Variants in RGL1 observed in about 807,000 individuals in gnomAD.
The protein encoded by RGL1 is ral guanine nucleotide dissociation stimulator-like 1.
RGL1 carries 24 observed loss-of-function variants against 95.2 expected under a neutral mutation model. The observed-to-expected ratio is 0.25, with a 90% CI of 0.18 to 0.35. The LOEUF (loss-of-function observed/expected upper bound fraction) is 0.35. Ranked by LOEUF, RGL1 falls within the 10% of genes least tolerant of loss-of-function variation. The pLI, the probability that RGL1 is intolerant of heterozygous loss-of-function variation, is 1.00. For missense variants in RGL1, 715 were observed against 936.3 expected (o/e 0.76, Z 3.08); for synonymous variants, 329 against 344.9 (o/e 0.95, Z 0.51).
intron 2 of RGL1, among the ~76,000 whole-genome samples, chr1:183,772,149 C>T (rs1659314041): frequency 6.6e-6 from 1 of 152,224 alleles, no homozygotes; most frequent in Admixed American, 6.5e-5. Context: ...TCCAAGCCCA[C>T]GATTCTTCCA....
At chr1:183,647,894 C>A (rs1018012811) in intron 1 of RGL1, 3 of 1,613,998 alleles carry the variant, frequency 1.9e-6, no homozygotes, top group Admixed American at 3.3e-5. Flanking sequence ...CCCTGAGAGG[C>A]ACTAGCACAA....
intron 2 of RGL1, among the ~76,000 whole-genome samples, chr1:183,761,527 A>G (rs1232754512): frequency 1.3e-5 from 2 of 152,240 alleles, no homozygotes; most frequent in African/African-American, 4.8e-5. Context: ...GCTATCATCT[A>G]GGCTTTATTG....
chr1:183,927,223 T>A lies in RGL1; in HGVS notation c.*931T>A, dbSNP rs1416290865. On this transcript the variant is annotated 3_prime_UTR_variant, in exon 18 of 18. Coordinates refer to ENST00000360851, the MANE Select transcript of RGL1 (RefSeq NM_001297671.3). Reference sequence around the variant, plus strand: ...AATGTCACTGCTTCATTGCCTTCTCTGATTGCCTTTTGCATGTAAAACTAT... The same window carrying A: ...AATGTCACTGCTTCATTGCCTTCTCAGATTGCCTTTTGCATGTAAAACTAT... The A allele has an allele frequency of 6.6e-6, 1 of 152,660 alleles. No homozygotes were observed. Among genetic ancestry groups the A allele is most frequent in the Admixed American group, 6.5e-5 (1 of 15,288 alleles). The allele number at this position is 152,660 out of a possible 1,614,324, so 9.5% of individuals were successfully genotyped here.
intron 2 of RGL1, among the ~76,000 whole-genome samples, chr1:183,797,175 CAA>C (rs998906037): frequency 1.4e-4 from 22 of 151,852 alleles, no homozygotes; most frequent in African/African-American, 5.1e-4. Context: ...ATAAAAAATA[CAA>C]AATTAGCCGG....
At chr1:183,673,065 G>A (rs1321304573) in intron 1 of RGL1, among the ~76,000 whole-genome samples, 1 of 151,602 alleles carries the variant, frequency 6.6e-6, no homozygotes, top group Non-Finnish European at 1.5e-5. Context: ...TAATTTTCCT[G>A]CATATTAGAT....
At chr1:183,887,537 G>A (rs1667189526) in intron 7 of RGL1, among the ~76,000 whole-genome samples, 1 of 152,122 alleles carries the variant, frequency 6.6e-6, no homozygotes, top group African/African-American at 2.4e-5. Flanking sequence ...ACTGGGCCTA[G>A]TACGCTGTCA....
intron 1 of RGL1, among the ~76,000 whole-genome samples, chr1:183,719,743 T>TA (rs1241804501): frequency 6.6e-6 from 1 of 151,928 alleles, no homozygotes; most frequent in Admixed American, 6.6e-5. Flanking sequence ...CCCGTCCCTA[T>TA]AAAAATACAA....
chr1:183,649,170 T>C (rs1218124085), intron 1 of RGL1, among the ~76,000 whole-genome samples: 1 of 152,246 alleles, frequency 6.6e-6, no homozygotes, highest in Non-Finnish European at 1.5e-5. Flanking sequence ...CACAGATTCC[T>C]TGTCTGTAAA....
chr1:183,748,250 A>G (rs1296737628), intron 2 of RGL1, among the ~76,000 whole-genome samples: 2 of 151,474 alleles, frequency 1.3e-5, no homozygotes, highest in Non-Finnish European at 2.9e-5. Flanking sequence ...TGGTCTATCT[A>G]TTTTGCTAAT....
intron 2 of RGL1, chr1:183,754,879 T>C (rs1354175432): frequency 1.3e-5 from 2 of 152,266 alleles, no homozygotes; most frequent in Non-Finnish European, 2.9e-5. Context: ...GAAGCTGACT[T>C]CAATGCCTAT....
In RGL1 at chr1:183,791,395, G is replaced by A. The variant is rs188264630; in HGVS notation, c.133-14980G>A. ...ATTTGTAGAATTTTGGTTAATTTTT[G>A]TTACAATTATATTTCCATTATATAT... On this transcript the variant is annotated intron_variant, in intron 2 of 18. Transcript: ENST00000304685. 1.6e-3 allele frequency among the ~76,000 whole-genome samples: 236 copies of A among 152,172 alleles called. 1 individual carries two copies. Among genetic ancestry groups the A allele is most frequent in the Non-Finnish European group, 2.0e-3 (138 of 67,988 alleles).
chr1:183,907,445 T>C (rs1181406628), intron 14 of RGL1, among the ~76,000 whole-genome samples: 5 of 152,198 alleles, frequency 3.3e-5, no homozygotes, highest in Non-Finnish European at 5.9e-5. Context: ...TAAAAACCCC[T>C]ATAGCTTTTA....
intron 4 of RGL1, 114 bp downstream of exon 4, chr1:183,866,187 C>T: frequency 1.3e-6 from 1 of 768,082 alleles, no homozygotes; most frequent in East Asian, 2.6e-5. Flanking sequence ...TTCCATAGTG[C>T]ATACAGAGGC....
chr1:183,685,220 A>G (rs1422012696), intron 1 of RGL1, among the ~76,000 whole-genome samples: 1 of 152,214 alleles, frequency 6.6e-6, no homozygotes. Context: ...TTTTGCTAAT[A>G]ACAAAGATTC....
chr1:183,897,685 A>G (rs1053340114), intron 9 of RGL1, 123 bp from the exon 10 acceptor site: 5 of 651,980 alleles, frequency 7.7e-6, no homozygotes, highest in African/African-American at 7.3e-5. Flanking sequence ...AGGCCTCTTC[A>G]TTTTGCATGG....
intron 2 of RGL1, among the ~76,000 whole-genome samples, chr1:183,788,048 A>G (rs1660265538): frequency 6.6e-6 from 1 of 152,142 alleles, no homozygotes; most frequent in Non-Finnish European, 1.5e-5. Flanking sequence ...CACAAAATGG[A>G]CTAGGAAAGA....
At chr1:183,860,281 A>G (rs781670438) in intron 3 of RGL1, among the ~76,000 whole-genome samples, 22 of 152,092 alleles carry the variant, frequency 1.4e-4, no homozygotes, top group Non-Finnish European at 2.9e-4. Context: ...TTGGTAGAAG[A>G]GGGTGTGTAT....
At chr1:183,911,430 A>C (rs1051228982) in intron 14 of RGL1, among the ~76,000 whole-genome samples, 1 of 152,214 alleles carries the variant, frequency 6.6e-6, no homozygotes, top group Admixed American at 6.5e-5. Context: ...AGAAACCCTC[A>C]TCTTTGGGCC....
intron 1 of RGL1, 61 bp from the exon 2 acceptor site, chr1:183,806,314 T>A: frequency 7.7e-7 from 1 of 1,298,434 alleles, no homozygotes; most frequent in Non-Finnish European, 1.1e-6. Context: ...CTGGGATAGA[T>A]TGTGGTTAGC....
Sources: gnomAD v4.1 joint callset for allele counts (sites outside exome capture counted in the v4.1 genomes callset) on GRCh38, gnomAD v4.1.1 for gene constraint, MANE v1.5 for transcripts, NCBI Gene and HGNC (gene_info 2026-07-23, HGNC 2026-07-21) for gene names.